Variants in RBFOX1 observed in about 807,000 individuals in gnomAD.
RBFOX1 encodes the protein RNA binding fox-1 homolog 1.
In RBFOX1, 8 loss-of-function variants were observed where a neutral mutation model predicts 57.7. The ratio of observed to expected loss-of-function variants is 0.14; its 90% CI spans 0.08 to 0.25. The LOEUF is 0.25. Ranked by LOEUF, RBFOX1 falls within the 10% of genes least tolerant of loss-of-function variation. The pLI is 1.00. For synonymous variants in RBFOX1, 326 were observed against 222.4 expected (o/e 1.47, Z -4.15); for missense variants, 611 against 548.5 (o/e 1.11, Z -1.14).
intron 3 of RBFOX1, among the ~76,000 whole-genome samples, chr16:6,900,154 G>T (rs1265460771): frequency 1.3e-5 from 2 of 152,134 alleles, no homozygotes; most frequent in African/African-American, 2.4e-5. Flanking sequence ...GGTGGTGGTG[G>T]TGGTATTGTT....
chr16:7,225,987 G>T (rs901586100), intron 4 of RBFOX1, among the ~76,000 whole-genome samples: 1 of 151,432 alleles, frequency 6.6e-6, no homozygotes. Flanking sequence ...AAATGGCGAT[G>T]CTCTAAGGAA....
At chr16:6,780,929 T>C (rs939059085) in intron 3 of RBFOX1, among the ~76,000 whole-genome samples, 2 of 152,124 alleles carry the variant, frequency 1.3e-5, no homozygotes, top group Non-Finnish European at 2.9e-5. Flanking sequence ...AAATGTTTTC[T>C]TCCATTTTGT....
At chr16:7,187,789 C>T (rs905276209) in intron 4 of RBFOX1, among the ~76,000 whole-genome samples, 1 of 146,186 alleles carries the variant, frequency 6.8e-6, no homozygotes, top group South Asian at 2.2e-4. Context: ...AAATAATATT[C>T]ATCAGCATTT....
chr16:5,424,970 CTTTCTTTCT>C (rs1173727966), intron 1 of RBFOX1, among the ~76,000 whole-genome samples: 1,884 of 54,958 alleles, frequency 0.034, 234 homozygotes, highest in African/African-American at 0.13. Flanking sequence ...CTTTCTCTTT[CTTTCTTTCT>C]TTTCTTTTCT....
At chr16:6,309,466 G>A (rs1046348000) in intron 1 of RBFOX1, among the ~76,000 whole-genome samples, 5 of 152,152 alleles carry the variant, frequency 3.3e-5, no homozygotes, top group African/African-American at 1.2e-4. Flanking sequence ...TTTACAGTTA[G>A]GCACTGCAGA....
At chr16:6,526,441 G>T (rs574408329) in intron 2 of RBFOX1, among the ~76,000 whole-genome samples, 6 of 152,268 alleles carry the variant, frequency 3.9e-5, no homozygotes, top group Admixed American at 2.6e-4. Context: ...ACACTACATT[G>T]CTGTAGAAGG....
chr16:5,733,899 C>A (rs969126537), intron 3 of RBFOX1, among the ~76,000 whole-genome samples: 3 of 152,058 alleles, frequency 2.0e-5, no homozygotes, highest in African/African-American at 7.2e-5. Flanking sequence ...CTGCTGAGGA[C>A]ATCTATTCTG....
intron 4 of RBFOX1, among the ~76,000 whole-genome samples, chr16:7,337,123 C>G (rs1203653569): frequency 6.6e-6 from 1 of 152,090 alleles, no homozygotes; most frequent in Non-Finnish European, 1.5e-5. Flanking sequence ...CTATGGAGAA[C>G]CTAAAACCTA....
chr16:6,997,178 C>G (rs747360323), intron 3 of RBFOX1, among the ~76,000 whole-genome samples: 2 of 152,030 alleles, frequency 1.3e-5, no homozygotes, highest in Non-Finnish European at 2.9e-5. Context: ...AGAGAATTAT[C>G]TTAGCATTTT....
At chr16:7,029,411 C>T (rs184670074) in intron 3 of RBFOX1, among the ~76,000 whole-genome samples, 2 of 151,434 alleles carry the variant, frequency 1.3e-5, no homozygotes, top group African/African-American at 4.8e-5. Flanking sequence ...GTCTTCAGTT[C>T]TTCTTTTGCT....
At chr16:7,543,689 G>A (rs1163934433) in intron 5 of RBFOX1, among the ~76,000 whole-genome samples, 1 of 126,318 alleles carries the variant, frequency 7.9e-6, no homozygotes, top group Non-Finnish European at 1.7e-5. Context: ...GTGTGTGTGT[G>A]TGTGTGTGTG....
At chr16:7,660,128 G>C (rs747965130) in intron 12 of RBFOX1, among the ~76,000 whole-genome samples, 5 of 152,120 alleles carry the variant, frequency 3.3e-5, no homozygotes, top group South Asian at 2.1e-4. Context: ...AGATTGTATA[G>C]TTTGGGCATT....
intron 1 of RBFOX1, among the ~76,000 whole-genome samples, chr16:5,290,580 TC>T (rs1247461997): frequency 6.6e-6 from 1 of 152,210 alleles, no homozygotes; most frequent in Non-Finnish European, 1.5e-5. Flanking sequence ...AGTAAAATCT[TC>T]CTTGAAGAGA....
chr16:7,439,591 T>G (rs1443888724), intron 4 of RBFOX1, among the ~76,000 whole-genome samples: 1 of 152,298 alleles, frequency 6.6e-6, no homozygotes. Flanking sequence ...AATCCATGCT[T>G]TAAATGCAAA....
chr16:5,372,826 A>G (rs1320082683), intron 1 of RBFOX1, among the ~76,000 whole-genome samples: 1 of 152,230 alleles, frequency 6.6e-6, no homozygotes, highest in African/African-American at 2.4e-5. Context: ...GCACAATACC[A>G]TCTCATGATC....
intron 5 of RBFOX1, among the ~76,000 whole-genome samples, chr16:7,565,192 C>G (rs1196978372): frequency 6.6e-6 from 1 of 152,040 alleles, no homozygotes; most frequent in African/African-American, 2.4e-5. Context: ...TTTTCACAAT[C>G]TTGCTTCGTT....
chr16:6,819,731 ATAACAAC>A (rs2090923144), intron 3 of RBFOX1, among the ~76,000 whole-genome samples: 5 of 82,828 alleles, frequency 6.0e-5, no homozygotes, highest in African/African-American at 2.3e-4. Flanking sequence ...AAAAAAAAAA[ATAACAAC>A]ACCAAAAGGT....
intron 2 of RBFOX1, among the ~76,000 whole-genome samples, chr16:6,369,751 C>G (rs1175679482): frequency 6.6e-6 from 1 of 152,174 alleles, no homozygotes; most frequent in Non-Finnish European, 1.5e-5. Flanking sequence ...TCTTACCTAT[C>G]TTAGTGTCAG....
At chr16:5,441,628 G>A (rs2068087209) in intron 1 of RBFOX1, among the ~76,000 whole-genome samples, 1 of 152,246 alleles carries the variant, frequency 6.6e-6, no homozygotes, top group South Asian at 2.1e-4. Flanking sequence ...ACCTCCCAAA[G>A]TGCTGGGATT....
Sources: gnomAD v4.1 joint callset for allele counts (sites outside exome capture counted in the v4.1 genomes callset) on GRCh38, gnomAD v4.1.1 for gene constraint, MANE v1.5 for transcripts, NCBI Gene and HGNC (gene_info 2026-07-23, HGNC 2026-07-21) for gene names.